The following FIGN variants were observed in gnomAD, a reference collection of about 807,000 sequenced individuals.
FIGN encodes the protein fidgetin, microtubule severing factor, also known as fidgetin.
A neutral mutation model predicts 51.3 loss-of-function variants in FIGN; 11 were observed. That is an observed-to-expected ratio of 0.21 (90% CI 0.13 to 0.35). FIGN has a LOEUF of 0.35. Ranked by LOEUF, FIGN falls within the 10% of genes least tolerant of loss-of-function variation. The probability of loss-of-function intolerance (pLI) is 1.00; values close to 1 mark genes in which losing one functional copy is unlikely to be tolerated. For missense variants in FIGN, 857 were observed against 943.6 expected (o/e 0.91, Z 1.20); for synonymous variants, 407 against 363.2 (o/e 1.12, Z -1.37).
chr2:163,729,753 C>G (rs1361531048), intron 2 of FIGN, among the ~76,000 whole-genome samples: 1 of 152,076 alleles, frequency 6.6e-6, no homozygotes, highest in African/African-American at 2.4e-5. Flanking sequence ...GTCATGAGAG[C>G]TAAAATATGA....
chr2:163,615,988 TAGGAATGAC>T (rs1682869698), intron 2 of FIGN, among the ~76,000 whole-genome samples: 1 of 152,198 alleles, frequency 6.6e-6, no homozygotes, highest in Non-Finnish European at 1.5e-5. Context: ...AAGTGTTACA[TAGGAATGAC>T]AGGTACTAGA....
chr2:163,610,211 T>C lies in FIGN; in HGVS notation c.1621A>G (p.Ser541Gly), dbSNP rs779607837. ...TTGAAAAATGTGGCCCCCAGCTGAC[T>C]AGCGATGCATCTGCCCAATAATGTT... is the stretch of plus-strand genomic sequence containing the variant. ...GKTLLGRCIASQLGATFFKIA... is the reference protein window; with the variant it reads ...GKTLLGRCIAGQLGATFFKIA... Residue 541 changes from serine (S) to glycine (G), a missense_variant, in exon 3 of 3, where the codon AGT (serine) becomes GGT (glycine). Coordinates refer to ENST00000333129, the MANE Select transcript of FIGN (RefSeq NM_018086.4). The C allele has an allele frequency of 4.3e-5, 70 of 1,614,014 alleles. 1 individual carries two copies. Among genetic ancestry groups the C allele is most frequent in the South Asian group, 3.5e-4 (32 of 91,086 alleles).
intron 2 of FIGN, among the ~76,000 whole-genome samples, chr2:163,660,702 T>TATATTTTTTTTTTTTTTTTTTGAGATGGA (rs1573932873): frequency 8.2e-6 from 1 of 121,852 alleles, no homozygotes; most frequent in East Asian, 2.3e-4. Context: ...TACATATATA[T>TATATTTTTTTTTTTTTTTTTTGAGATGGA]GTATACACAT....
At chr2:163,710,056 T>C (rs1055844860) in intron 2 of FIGN, among the ~76,000 whole-genome samples, 7 of 152,214 alleles carry the variant, frequency 4.6e-5, no homozygotes, top group Non-Finnish European at 8.8e-5. Flanking sequence ...GGCAAATATT[T>C]ATAAAATCTC....
chr2:163,714,093 A>G (rs574382972), intron 2 of FIGN, among the ~76,000 whole-genome samples: 6 of 152,200 alleles, frequency 3.9e-5, no homozygotes, highest in African/African-American at 1.2e-4. Flanking sequence ...CCATTTTCCA[A>G]TCTGATTACA....
At chr2:163,673,728 C>A (rs551884086) in intron 2 of FIGN, among the ~76,000 whole-genome samples, 1 of 152,060 alleles carries the variant, frequency 6.6e-6, no homozygotes, top group African/African-American at 2.4e-5. Context: ...ATTTTCATGG[C>A]CCTACACAGT....
intron 2 of FIGN, among the ~76,000 whole-genome samples, chr2:163,617,523 C>G (rs1682900094): frequency 6.6e-6 from 1 of 152,128 alleles, no homozygotes; most frequent in Non-Finnish European, 1.5e-5. Flanking sequence ...GACATCCTCA[C>G]TTTTCGATTG....
chr2:163,630,998 T>C (rs1275083409), intron 2 of FIGN, among the ~76,000 whole-genome samples: 1 of 152,238 alleles, frequency 6.6e-6, no homozygotes, highest in African/African-American at 2.4e-5. Context: ...CTGAGAATTC[T>C]TCCTGTGGTA....
At chr2:163,708,863 G>A (rs1684543351) in intron 2 of FIGN, among the ~76,000 whole-genome samples, 1 of 152,106 alleles carries the variant, frequency 6.6e-6, no homozygotes. Flanking sequence ...GAAGTTAAAG[G>A]AATTCAGAAG....
intron 2 of FIGN, among the ~76,000 whole-genome samples, chr2:163,720,261 C>T (rs958738035): frequency 3.9e-5 from 6 of 152,170 alleles, no homozygotes; most frequent in African/African-American, 1.4e-4. Context: ...TCTGATTTCA[C>T]TTGTACAAAA....
chr2:163,654,243 T>C (rs1683524475), intron 2 of FIGN, among the ~76,000 whole-genome samples: 1 of 152,162 alleles, frequency 6.6e-6, no homozygotes, highest in Admixed American at 6.5e-5. Flanking sequence ...CTATGCAATA[T>C]TTAATATACT....
chr2:163,618,536 C>T (rs1268856810), intron 2 of FIGN, among the ~76,000 whole-genome samples: 2 of 151,898 alleles, frequency 1.3e-5, no homozygotes, highest in Admixed American at 1.3e-4. Flanking sequence ...TAACATATAC[C>T]CTGCAACTGT....
intron 2 of FIGN, among the ~76,000 whole-genome samples, chr2:163,661,233 T>TTTATTA (rs553682652): frequency 7.3e-5 from 11 of 150,538 alleles, no homozygotes; most frequent in African/African-American, 2.4e-4. Context: ...TGATTATTTA[T>TTTATTA]TTATTATTAT....
At position 163,609,720 on chromosome 2, in the gene FIGN, G is replaced by A. The variant is rs181188521; in HGVS notation, c.2112C>T (p.Pro704=). The A allele has an allele frequency of 1.2e-6, 2 of 1,614,020 alleles. No individual in the cohort carries two copies. Among genetic ancestry groups the A allele is most frequent in the Admixed American group, 3.3e-5 (2 of 60,012 alleles). ...AHLCQEAVVG[P]LHAMPATDLS... ...GGTCTGTGGCTGGCATGGCATGGAG[G>A]GGGCCCACCACTGCTTCCTGACACA... is the stretch of plus-strand genomic sequence containing the variant. Residue 704 remains proline (P), a synonymous_variant, in exon 3 of 3, where the codon CCC becomes CCT. Transcript: ENST00000333129.
chr2:163,695,522 AT>A (rs1351587137), intron 2 of FIGN, among the ~76,000 whole-genome samples: 17 of 152,090 alleles, frequency 1.1e-4, no homozygotes, highest in Admixed American at 1.1e-3. Flanking sequence ...CATGCAAAAT[AT>A]CTTACACACA....
intron 2 of FIGN, among the ~76,000 whole-genome samples, chr2:163,683,685 C>T (rs1331622913): frequency 6.6e-6 from 1 of 152,118 alleles, no homozygotes; most frequent in Non-Finnish European, 1.5e-5. Context: ...CTGGTTCTCA[C>T]CCCCTGGAGA....
chr2:163,611,230 T>A lies in FIGN; in HGVS notation c.602A>T (p.Gln201Leu). The A allele has an allele frequency of 6.2e-7, 1 of 1,614,118 alleles. No homozygotes were observed. The highest frequency in any genetic ancestry group is 8.5e-7 in the Non-Finnish European group (1 of 1,180,000). The change falls in exon 3 of 3, where the codon CAG becomes CTG. Residue 201 changes from glutamine to leucine, a missense_variant. By Grantham distance (113) the Gln-to-Leu change is moderately radical (BLOSUM62 -2). Transcript: ENST00000333129. ...GSYLHSTYSSQPAPALPSPHP... is the reference protein window; with the variant it reads ...GSYLHSTYSSLPAPALPSPHP... ...AGGTGAAGGAAGTGCAGGTGCTGGCTGGCTACTATAAGTAGAATGCAAATA... is the reference window on the plus strand; with the variant it reads ...AGGTGAAGGAAGTGCAGGTGCTGGCAGGCTACTATAAGTAGAATGCAAATA...
chr2:163,617,446 A>C (rs1682899343), intron 2 of FIGN, among the ~76,000 whole-genome samples: 1 of 152,122 alleles, frequency 6.6e-6, no homozygotes, highest in African/African-American at 2.4e-5. Flanking sequence ...TCACAGTCTA[A>C]ATTCTCCAAA....
chr2:163,687,712 C>T (rs1040701978), intron 2 of FIGN, among the ~76,000 whole-genome samples: 1 of 152,160 alleles, frequency 6.6e-6, no homozygotes, highest in African/African-American at 2.4e-5. Context: ...ACAATGCAAA[C>T]TTAAATTTTA....
Sources: gnomAD v4.1 joint callset for allele counts (sites outside exome capture counted in the v4.1 genomes callset) on GRCh38, gnomAD v4.1.1 for gene constraint, MANE v1.5 for transcripts, NCBI Gene and HGNC (gene_info 2026-07-23, HGNC 2026-07-21) for gene names.